The following PLCG2 variants were observed in gnomAD, a reference collection of about 807,000 sequenced individuals.
The protein encoded by PLCG2 is 1-phosphatidylinositol 4,5-bisphosphate phosphodiesterase gamma-2.
A neutral mutation model predicts 175.6 loss-of-function variants in PLCG2; 69 were observed. That is an observed-to-expected ratio of 0.39 (90% CI 0.32 to 0.48). PLCG2 has a LOEUF of 0.48. Among genes scored for constraint, PLCG2 ranks in the 20% least tolerant of loss-of-function variants. The pLI is 0.91. For synonymous variants in PLCG2, 827 were observed against 624.0 expected, an observed-to-expected ratio of 1.33 and a Z score of -4.85; for missense variants, 1,798 against 1,650.9, an observed-to-expected ratio of 1.09 and a Z score of -1.54.
At position 81,946,057 on chromosome 16, in the gene PLCG2, G is replaced by A. The variant is rs1007235384; in HGVS notation, c.3482-118G>A. On this transcript the variant is annotated intron_variant, in intron 30 of 32. Transcript: ENST00000564138. ...TTCCACAAAGTCAGCCCCCAGCATG[G>A]GGCACTGACTTCTCTACCCTTTGAA... 4.0e-6 allele frequency: 3 copies of A among 757,342 alleles called. No individual in the cohort carries two copies. The African/African-American group carries it at 5.1e-5, about 13-fold the overall frequency. 46.9% of individuals were successfully genotyped at this position (757,342 alleles called of 1,614,324 possible).
At chr16:81,945,349 C>T (rs1290362035) in intron 30 of PLCG2, among the ~76,000 whole-genome samples, 3 of 152,242 alleles carry the variant, frequency 2.0e-5, no homozygotes. Flanking sequence ...CAGAAACCAT[C>T]TCTGAGATAC....
intron 2 of PLCG2, among the ~76,000 whole-genome samples, chr16:81,769,391 G>A (rs1337047097): frequency 2.0e-5 from 3 of 152,142 alleles, no homozygotes; most frequent in African/African-American, 7.2e-5. Flanking sequence ...AGTTAAATGC[G>A]GATCCCTAGG....
intron 1 of PLCG2, among the ~76,000 whole-genome samples, chr16:81,752,091 C>T (rs148781924): frequency 2.0e-5 from 3 of 152,006 alleles, no homozygotes; most frequent in African/African-American, 7.2e-5. Context: ...TTTGAACCTG[C>T]AACTCTTCAC....
intron 3 of PLCG2, among the ~76,000 whole-genome samples, chr16:81,855,108 G>C (rs921298709): frequency 7.9e-5 from 12 of 151,072 alleles, no homozygotes; most frequent in African/African-American, 2.0e-4. Context: ...TATTTGAAAG[G>C]CTGAGGCACA....
At chr16:81,858,379 T>A (rs1010371635) in intron 4 of PLCG2, 23 bp downstream of exon 4, 13 of 1,526,890 alleles carry the variant, frequency 8.5e-6, no homozygotes, top group Middle Eastern at 1.7e-4. Flanking sequence ...TGCCTGTTGA[T>A]TTGCGTAGTT....
chr16:81,770,824 C>G (rs868748417), intron 2 of PLCG2, among the ~76,000 whole-genome samples: 6 of 152,028 alleles, frequency 3.9e-5, no homozygotes, highest in Non-Finnish European at 7.4e-5. Flanking sequence ...TTTGCGGGGC[C>G]GAGGCGGGCG....
intron 31 of PLCG2, among the ~76,000 whole-genome samples, chr16:81,949,331 T>G (rs755543466): frequency 6.6e-6 from 1 of 152,212 alleles, no homozygotes; most frequent in Non-Finnish European, 1.5e-5. Flanking sequence ...CTCAGTAATA[T>G]TTCAGTAAAA....
chr16:81,806,452 C>T (rs577719630), intron 2 of PLCG2, among the ~76,000 whole-genome samples: 26 of 152,064 alleles, frequency 1.7e-4, no homozygotes, highest in African/African-American at 6.3e-4. Context: ...CCCGAGCATC[C>T]AGTGCCAGCT....
intron 2 of PLCG2, among the ~76,000 whole-genome samples, chr16:81,826,421 A>C (rs1446430183): frequency 6.6e-6 from 1 of 152,186 alleles, no homozygotes; most frequent in African/African-American, 2.4e-5. Flanking sequence ...TCAGCTCTGC[A>C]CTTACCAGTG....
intron 24 of PLCG2, chr16:81,928,826 A>C (rs1910385719): frequency 2.0e-6 from 1 of 499,400 alleles, no homozygotes; most frequent in African/African-American, 1.9e-5. Context: ...TAAAACTGTA[A>C]GTGCTAAAAC....
In PLCG2 at chr16:81,782,211, A is replaced by T. The variant is rs73587629; in HGVS notation, c.-48+2787A>T. Among the ~76,000 whole-genome samples, 533 of 143,750 alleles carry T rather than the reference A, an allele frequency of 3.7e-3. 3 individuals are homozygous for T. The highest frequency in any genetic ancestry group is 0.013 in the African/African-American group (508 of 38,430). The allele number at this position is 143,750 out of a possible 152,430, so 94.3% of individuals were successfully genotyped here. The stretch of plus-strand genomic sequence containing the variant: ...CTTTCTAAATAAGCTTATGAGATAC[A>T]AGAACATGAATGAGCTTATGAGATA... On this transcript the variant is annotated intron_variant, in intron 1 of 32. Coordinates refer to ENST00000564138, the MANE Select transcript of PLCG2 (RefSeq NM_002661.5).
chr16:81,791,310 G>A (rs1012651593), intron 2 of PLCG2, among the ~76,000 whole-genome samples: 10 of 152,130 alleles, frequency 6.6e-5, no homozygotes, highest in Admixed American at 5.9e-4. Flanking sequence ...CTGCTTGGGT[G>A]GAGTTTAGAG....
At chr16:81,859,394 C>G (rs947084810) in intron 5 of PLCG2, 11 of 486,532 alleles carry the variant, frequency 2.3e-5, no homozygotes, top group African/African-American at 2.0e-4. Context: ...ATGATCTCTG[C>G]CATGGGGCAT....
At chr16:81,922,815 G>A (rs546462384) in intron 21 of PLCG2, among the ~76,000 whole-genome samples, 14 of 152,296 alleles carry the variant, frequency 9.2e-5, no homozygotes, top group Non-Finnish European at 1.6e-4. Flanking sequence ...ATTTATGCCC[G>A]CCAGGCAGAA....
At position 81,919,677 on chromosome 16, in the gene PLCG2, C is replaced by T. The variant is rs373135803; in HGVS notation, c.2235+13C>T. ...GCGCTACAATATGGTAGGTGGTGGA[C>T]TCCCTTGTGATTTGGTGGGATTTCT... On this transcript the variant is annotated intron_variant, in intron 20 of 32. Coordinates refer to ENST00000564138, the MANE Select transcript of PLCG2 (RefSeq NM_002661.5). The T allele has an allele frequency of 2.5e-6, 4 of 1,605,082 alleles. No homozygotes were observed. The African/African-American group carries it at 4.0e-5, about 16-fold the overall frequency.
intron 1 of PLCG2, among the ~76,000 whole-genome samples, chr16:81,783,832 G>GTTT (rs34044546): frequency 2.0e-5 from 3 of 151,404 alleles, no homozygotes; most frequent in East Asian, 1.9e-4. Context: ...TCTCAGCAGG[G>GTTT]TTTTTTTTTA....
intron 7 of PLCG2, among the ~76,000 whole-genome samples, chr16:81,878,674 C>G (rs1034167258): frequency 6.6e-6 from 1 of 152,162 alleles, no homozygotes; most frequent in African/African-American, 2.4e-5. Flanking sequence ...CAGCCATCAC[C>G]TCCATGTGTT....
intron 2 of PLCG2, among the ~76,000 whole-genome samples, chr16:81,804,027 A>C (rs112128079): frequency 0.035 from 5,265 of 152,236 alleles, 287 homozygotes; most frequent in African/African-American, 0.12. Flanking sequence ...TTCATGTACA[A>C]GTTTTTGTGT....
At chr16:81,791,558 C>G (rs191844142) in intron 2 of PLCG2, among the ~76,000 whole-genome samples, 2 of 152,212 alleles carry the variant, frequency 1.3e-5, no homozygotes, top group Admixed American at 1.3e-4. Context: ...CTGAGCTTAG[C>G]TGGGATTATT....
Sources: gnomAD v4.1 joint callset for allele counts (sites outside exome capture counted in the v4.1 genomes callset) on GRCh38, gnomAD v4.1.1 for gene constraint, MANE v1.5 for transcripts, NCBI Gene and HGNC (gene_info 2026-07-23, HGNC 2026-07-21) for gene names.